LARGE1: variants seen among roughly 807,000 people sequenced by gnomAD.
The protein encoded by LARGE1 is xylosyl- and glucuronyltransferase LARGE1.
A neutral mutation model predicts 87.6 loss-of-function variants in LARGE1; 43 were observed. The observed-to-expected ratio is 0.49, with a 90% CI of 0.38 to 0.63. LARGE1 has a LOEUF of 0.63. LARGE1 is among the 30% of genes least tolerant of loss of function. The pLI is 0.00. For synonymous variants in LARGE1, 434 were observed against 394.6 expected (o/e 1.10, Z -1.18); for missense variants, 802 against 1,000.2 (o/e 0.80, Z 2.67).
At chr22:33,180,792 A>G (rs1923119917) in intron 11 of LARGE1, among the ~76,000 whole-genome samples, 1 of 152,224 alleles carries the variant, frequency 6.6e-6, no homozygotes, top group Admixed American at 6.5e-5. Context: ...ACTCTTGAAA[A>G]CATTGTTCTA....
intron 1 of LARGE1, among the ~76,000 whole-genome samples, chr22:33,897,976 T>TA (rs777089564): frequency 1.1e-4 from 16 of 152,142 alleles, no homozygotes; most frequent in Non-Finnish European, 2.1e-4. Context: ...TATTCATCTT[T>TA]AAAAAATACA....
intron 1 of LARGE1, among the ~76,000 whole-genome samples, chr22:33,903,878 A>C (rs529034388): frequency 1.3e-4 from 20 of 152,294 alleles, no homozygotes; most frequent in African/African-American, 4.8e-4. Context: ...AGGGAATAGA[A>C]GGTATCACTG....
chr22:33,173,143 C>T (rs1049665514), intron 11 of LARGE1, among the ~76,000 whole-genome samples: 1 of 152,102 alleles, frequency 6.6e-6, no homozygotes, highest in Non-Finnish European at 1.5e-5. Flanking sequence ...GAAGCCCATT[C>T]GATTAACAGC....
chr22:33,126,992 CCTT>C, the LARGE1 span, among the ~76,000 whole-genome samples: 1 of 152,214 alleles, frequency 6.6e-6, no homozygotes, highest in African/African-American at 2.4e-5. Flanking sequence ...TCTCTCTTCT[CCTT>C]CTTTGCACTA....
chr22:33,174,538 A>G (rs1922756455), intron 11 of LARGE1, among the ~76,000 whole-genome samples: 1 of 152,218 alleles, frequency 6.6e-6, no homozygotes, highest in East Asian at 1.9e-4. Flanking sequence ...TCAAAAAATC[A>G]ATGAATCCAG....
intron 2 of LARGE1, among the ~76,000 whole-genome samples, chr22:33,663,412 C>T (rs1603043797): frequency 6.6e-6 from 1 of 152,156 alleles, no homozygotes; most frequent in African/African-American, 2.4e-5. Context: ...AAACTAAGAA[C>T]CCTCAACTCA....
chr22:33,528,783 G>A (rs1010077533), intron 6 of LARGE1, among the ~76,000 whole-genome samples: 2 of 152,154 alleles, frequency 1.3e-5, no homozygotes, highest in African/African-American at 2.4e-5. Flanking sequence ...CATCACGGCC[G>A]ACAACTTAGT....
intron 11 of LARGE1, among the ~76,000 whole-genome samples, chr22:33,217,727 T>TTAAATAATAC (rs1925275097): frequency 6.6e-6 from 1 of 152,142 alleles, no homozygotes; most frequent in Admixed American, 6.5e-5. Flanking sequence ...ATGGTATTCC[T>TTAAATAATAC]TAAATAATTT....
At chr22:33,772,088 C>G (rs1382704589) in intron 1 of LARGE1, among the ~76,000 whole-genome samples, 3 of 152,194 alleles carry the variant, frequency 2.0e-5, no homozygotes, top group African/African-American at 7.2e-5. Flanking sequence ...AATCCCAGCA[C>G]TTTGGGAGGC....
At chr22:33,120,172 C>CTA in the LARGE1 span, among the ~76,000 whole-genome samples, 104 of 152,094 alleles carry the variant, frequency 6.8e-4, no homozygotes, top group African/African-American at 2.5e-3. Flanking sequence ...TCTCTTAAGT[C>CTA]TATATATATG....
At chr22:33,392,899 T>G (rs1475670914) in intron 7 of LARGE1, among the ~76,000 whole-genome samples, 1 of 152,210 alleles carries the variant, frequency 6.6e-6, no homozygotes, top group Non-Finnish European at 1.5e-5. Flanking sequence ...TTGAAATATT[T>G]GCAATATTTG....
chr22:33,839,213 A>G (rs972800377), intron 1 of LARGE1, among the ~76,000 whole-genome samples: 8 of 152,204 alleles, frequency 5.3e-5, no homozygotes, highest in Non-Finnish European at 1.2e-4. Flanking sequence ...TCATGGTGGG[A>G]GGTAAAAGAG....
the LARGE1 span, among the ~76,000 whole-genome samples, chr22:33,089,137 T>C: frequency 0.15 from 23,482 of 152,144 alleles, 2,236 homozygotes; most frequent in East Asian, 0.42. Context: ...AGACAATAAG[T>C]CTTTCATTTT....
chr22:33,798,151 C>T (rs548309680), intron 1 of LARGE1, among the ~76,000 whole-genome samples: 1 of 152,104 alleles, frequency 6.6e-6, no homozygotes, highest in East Asian at 1.9e-4. Flanking sequence ...TTTAGCCGGG[C>T]GTGATGGCAG....
chr22:33,183,598 T>C (rs1208054504), intron 11 of LARGE1, among the ~76,000 whole-genome samples: 1 of 120,058 alleles, frequency 8.3e-6, no homozygotes, highest in African/African-American at 3.8e-5. Flanking sequence ...TATTGATGGA[T>C]AAAACACACA....
At chr22:33,858,287 G>A (rs944356855) in intron 1 of LARGE1, among the ~76,000 whole-genome samples, 1 of 152,198 alleles carries the variant, frequency 6.6e-6, no homozygotes, top group African/African-American at 2.4e-5. Context: ...GTCTGTGACT[G>A]TGGCAAACAG....
chr22:33,859,868 G>A (rs1357390637), intron 1 of LARGE1, among the ~76,000 whole-genome samples: 1 of 152,102 alleles, frequency 6.6e-6, no homozygotes, highest in Non-Finnish European at 1.5e-5. Context: ...AGTGAAATAC[G>A]CCAGTCACAA....
chr22:33,118,642 A>G, the LARGE1 span, among the ~76,000 whole-genome samples: 24 of 152,182 alleles, frequency 1.6e-4, no homozygotes, highest in African/African-American at 5.6e-4. Context: ...GGTCCTCCAA[A>G]GGTTCACAGA....
the LARGE1 span, among the ~76,000 whole-genome samples, chr22:33,146,645 G>T: frequency 6.6e-6 from 1 of 152,106 alleles, no homozygotes; most frequent in African/African-American, 2.4e-5. Flanking sequence ...TGGAGCAGAA[G>T]AGAAGTGCCC....
Sources: allele counts gnomAD v4.1 joint callset (sites outside exome capture counted in the v4.1 genomes callset), GRCh38; gene constraint gnomAD v4.1.1; transcripts MANE v1.5; gene names NCBI Gene and HGNC (gene_info 2026-07-23, HGNC 2026-07-21).